COX5A: variants seen among roughly 807,000 people sequenced by gnomAD.
COX5A encodes the protein cytochrome c oxidase subunit 5A, mitochondrial.
COX5A carries 6 observed loss-of-function variants against 16.1 expected under a neutral mutation model. The observed-to-expected ratio is 0.37, with a 90% CI of 0.20 to 0.73. COX5A has a LOEUF of 0.73. Ranked by LOEUF, COX5A falls within the 30% of genes least tolerant of loss-of-function variation. The pLI is 0.50. For missense variants in COX5A, 159 were observed against 194.9 expected, an observed-to-expected ratio of 0.82 and a Z score of 1.10; for synonymous variants, 73 against 73.8, an observed-to-expected ratio of 0.99 and a Z score of 0.06.
chr15:74,935,559 C>T (rs2141275113), intron 1 of COX5A, among the ~76,000 whole-genome samples: 1 of 151,276 alleles, frequency 6.6e-6, no homozygotes, highest in East Asian at 2.0e-4. Context: ...TGTGATGGTG[C>T]CACTGCACTC....
chr15:74,930,190 C>T (rs1353503097), intron 1 of COX5A, among the ~76,000 whole-genome samples: 1 of 151,802 alleles, frequency 6.6e-6, no homozygotes, highest in Non-Finnish European at 1.5e-5. Flanking sequence ...GAGGCTGAGG[C>T]GGGTGGATCA....
rs2065312544 is a variant in COX5A, at chr15:74,919,831, T to C, written c.*621A>G. The C allele has an allele frequency of 6.6e-6, 1 of 152,254 alleles. No homozygotes were observed. Among genetic ancestry groups the C allele is most frequent in the Non-Finnish European group, 1.5e-5 (1 of 68,142 alleles). The allele number at this position is 152,254 out of a possible 1,614,324, so 9.4% of individuals were successfully genotyped here. A position where few individuals can be genotyped will look rare whatever the true frequency, so the allele number is the denominator to read the frequency against. ...TGTTTAATCAGAATGCCTCCAAATTTACAAAGCAAATGTTTTAATGTCCAA... is the reference window on the plus strand; with the variant it reads ...TGTTTAATCAGAATGCCTCCAAATTCACAAAGCAAATGTTTTAATGTCCAA... On this transcript the variant is annotated 3_prime_UTR_variant, in exon 5 of 5. Transcript: ENST00000322347.
chr15:74,923,082 TG>T (rs1477462773), intron 4 of COX5A, among the ~76,000 whole-genome samples: 3 of 152,206 alleles, frequency 2.0e-5, no homozygotes, highest in African/African-American at 7.2e-5. Flanking sequence ...GAATATTGTA[TG>T]AAGATTTTTC....
rs747437553 is a variant in COX5A, at chr15:74,926,813, G to A, written c.292C>T (p.Arg98Trp). ...IIDAALRACRRLNDFASTVRI... is the reference protein window; with the variant it reads ...IIDAALRACRWLNDFASTVRI... ...ACTGTACTAGCAAAATCATTTAACC[G>A]TCTGCATGCCCGCAAAGCAGCATCA... The change falls in exon 3 of 5, where the codon CGG (arginine) becomes TGG (tryptophan). Residue 98 changes from arginine (R) to tryptophan (W), a missense_variant. Coordinates refer to ENST00000322347, the MANE Select transcript of COX5A (RefSeq NM_004255.4). The A allele has an allele frequency of 3.1e-6, 5 of 1,613,784 alleles. No homozygotes were observed. Among genetic ancestry groups the A allele is most frequent in the Non-Finnish European group, 4.2e-6 (5 of 1,179,844 alleles).
rs2065346480 is a variant in COX5A, at chr15:74,926,796, A to G, written c.309T>C (p.Ala103=). 2.5e-6 allele frequency: 4 copies of G among 1,614,010 alleles called. No homozygotes were observed. Among genetic ancestry groups the G allele is most frequent in the Non-Finnish European group, 3.4e-6 (4 of 1,179,934 alleles). The change falls in exon 3 of 5, where the codon GCT becomes GCC. Residue 103 remains alanine, a synonymous_variant. Coordinates refer to ENST00000322347, the MANE Select transcript of COX5A (RefSeq NM_004255.4). ...LRACRRLNDF[A]STVRILEVVK... ...CAACCTCTAGGATACGAACTGTACT[A>G]GCAAAATCATTTAACCGTCTGCATG...
intron 1 of COX5A, among the ~76,000 whole-genome samples, chr15:74,930,115 C>G (rs1467251047): frequency 6.9e-6 from 1 of 145,734 alleles, no homozygotes; most frequent in African/African-American, 2.5e-5. Context: ...AAAACAAAAA[C>G]AAAAACTAAA....
intron 1 of COX5A, among the ~76,000 whole-genome samples, chr15:74,932,570 A>C (rs978397444): frequency 3.3e-5 from 5 of 152,230 alleles, no homozygotes; most frequent in African/African-American, 1.2e-4. Flanking sequence ...AGTAACTGGC[A>C]GGAGGAAGAG....
chr15:74,921,331 C>A (rs1301601239), intron 4 of COX5A, among the ~76,000 whole-genome samples: 1 of 145,488 alleles, frequency 6.9e-6, no homozygotes, highest in Admixed American at 7.4e-5. Context: ...TGGCGTGAAC[C>A]TGGAAAACGG....
intron 1 of COX5A, among the ~76,000 whole-genome samples, chr15:74,929,974 G>A (rs998770434): frequency 1.6e-4 from 25 of 151,954 alleles, no homozygotes; most frequent in African/African-American, 5.8e-4. Flanking sequence ...AGCTACTCGG[G>A]AGGCTGAGGC....
chr15:74,921,292 C>T (rs997750101), intron 4 of COX5A, among the ~76,000 whole-genome samples: 1 of 150,872 alleles, frequency 6.6e-6, no homozygotes, highest in Non-Finnish European at 1.5e-5. Flanking sequence ...CCTGTAGTCC[C>T]AGCTACTCGG....
chr15:74,923,822 T>A lies in COX5A; in HGVS notation c.340-52A>T, dbSNP rs972799194. ...TAACTCTCTCAAAAGCCATGTCTAT[T>A]AATTCATGAAATGAACTTAAAAATG... On this transcript the variant is annotated intron_variant, in intron 3 of 4. Coordinates refer to ENST00000322347, the MANE Select transcript of COX5A (RefSeq NM_004255.4). 3 of 1,180,748 alleles carry A rather than the reference T, an allele frequency of 2.5e-6. No homozygotes were observed. In the Admixed American group the frequency reaches 5.3e-5, roughly 21 times the overall value. The allele number at this position is 1,180,748 out of a possible 1,614,324, so 73.1% of individuals were successfully genotyped here.
At chr15:74,936,112 G>T (rs1159295993) in intron 1 of COX5A, among the ~76,000 whole-genome samples, 1 of 151,876 alleles carries the variant, frequency 6.6e-6, no homozygotes, top group Non-Finnish European at 1.5e-5. Flanking sequence ...CCAACATGGT[G>T]AAACCCCATC....
intron 1 of COX5A, among the ~76,000 whole-genome samples, chr15:74,931,263 G>A (rs1376915570): frequency 6.6e-6 from 1 of 152,046 alleles, no homozygotes; most frequent in African/African-American, 2.4e-5. Context: ...CACTTTGGGA[G>A]GCTGAGACTG....
At chr15:74,933,441 A>G (rs1187972941) in intron 1 of COX5A, among the ~76,000 whole-genome samples, 1 of 151,492 alleles carries the variant, frequency 6.6e-6, no homozygotes, top group Non-Finnish European at 1.5e-5. Flanking sequence ...CTATCTATCT[A>G]TCTATCTATC....
At chr15:74,937,876 G>A in intron 1 of COX5A, 39 bp downstream of exon 1, 2 of 1,180,658 alleles carry the variant, frequency 1.7e-6, no homozygotes, top group South Asian at 4.3e-5. Context: ...GTCACCGCAA[G>A]GACACGAGGG....
chr15:74,933,086 T>C (rs988657953), intron 1 of COX5A, among the ~76,000 whole-genome samples: 6 of 152,082 alleles, frequency 3.9e-5, no homozygotes, highest in Admixed American at 6.6e-5. Context: ...GGATATTTAA[T>C]AAGTCTTACA....
intron 1 of COX5A, among the ~76,000 whole-genome samples, chr15:74,935,044 C>T (rs2065382832): frequency 6.6e-6 from 1 of 152,130 alleles, no homozygotes; most frequent in African/African-American, 2.4e-5. Flanking sequence ...TTAGTTAAAT[C>T]GGATAGTTTT....
At chr15:74,920,835 T>G (rs368359026) in intron 4 of COX5A, among the ~76,000 whole-genome samples, 4 of 151,184 alleles carry the variant, frequency 2.6e-5, no homozygotes, top group East Asian at 4.0e-4. Flanking sequence ...AAAATTAGCC[T>G]GGTGTGGTGG....
chr15:74,938,035 G>C lies in COX5A; in HGVS notation c.-21C>G. On this transcript the variant is annotated 5_prime_UTR_variant, in exon 1 of 5. Transcript: ENST00000322347. Reference sequence around the variant, plus strand: ...AGCATGACGGCGATGGCGGCGCGCGGGCTGAGGACAGAGAGAAGCCGGTGT... The same window carrying C: ...AGCATGACGGCGATGGCGGCGCGCGCGCTGAGGACAGAGAGAAGCCGGTGT... 2 of 1,226,758 alleles carry C rather than the reference G, an allele frequency of 1.6e-6. No individual in the cohort carries two copies. The highest frequency in any genetic ancestry group is 2.0e-6 in the Non-Finnish European group (2 of 983,940). The allele number at this position is 1,226,758 out of a possible 1,614,324, so 76.0% of individuals were successfully genotyped here. A position where few individuals can be genotyped will look rare whatever the true frequency, so the allele number is the denominator to read the frequency against.
Sources: allele counts gnomAD v4.1 joint callset (sites outside exome capture counted in the v4.1 genomes callset), GRCh38; gene constraint gnomAD v4.1.1; transcripts MANE v1.5; gene names NCBI Gene and HGNC (gene_info 2026-07-23, HGNC 2026-07-21).